Variants in ACTN1 observed in about 807,000 individuals in gnomAD.
ACTN1 encodes the protein actinin alpha 1.
In ACTN1, 30 loss-of-function variants were observed where a neutral mutation model predicts 119.6. The observed-to-expected ratio is 0.25, with a 90% CI of 0.19 to 0.34. The LOEUF is 0.34. ACTN1 is among the 10% of genes least tolerant of loss of function. ACTN1 has a pLI of 1.00. For synonymous variants in ACTN1, 429 were observed against 472.6 expected (o/e 0.91, Z 1.20); for missense variants, 764 against 1,223.4 (o/e 0.62, Z 5.60).
In ACTN1 at chr14:68,925,821, G is replaced by A. The variant is rs192515678; in HGVS notation, c.106-149C>T. 4.8e-5 allele frequency: 28 copies of A among 587,894 alleles called. No homozygotes were observed. Among genetic ancestry groups the A allele is most frequent in the Non-Finnish European group, 7.2e-5 (24 of 335,268 alleles). The allele number at this position is 587,894 out of a possible 1,614,324, so 36.4% of individuals were successfully genotyped here. The stretch of plus-strand genomic sequence containing the variant: ...TTGCCCCACCATGGTCTCATTCACT[G>A]CATCAACCAAGCACTGAGCTACCCA... On this transcript the variant is annotated intron_variant, in intron 1 of 21. Coordinates refer to ENST00000394419, the MANE Select transcript of ACTN1 (RefSeq NM_001130004.2). This position sits in a 1 kb window ranked among gnomAD's most constrained non-coding sequence, Gnocchi z 4.3.
chr14:68,884,950 T>C, intron 12 of ACTN1, 67 bp from the exon 13 acceptor site: 2 of 1,359,322 alleles, frequency 1.5e-6, no homozygotes, highest in Non-Finnish European at 1.1e-6. Context: ...TCCCTCTCTC[T>C]GAGGCTGTCA....
chr14:68,906,275 A>C (rs1261050867), intron 6 of ACTN1, among the ~76,000 whole-genome samples: 1 of 152,234 alleles, frequency 6.6e-6, no homozygotes, highest in Non-Finnish European at 1.5e-5. Context: ...ATAAGTTTTT[A>C]ATGCAGAGGA....
Position 68,874,392 on chromosome 14 carries a change from T to G in ACTN1, c.*467A>C, listed in dbSNP as rs2030596718. 6.5e-6 allele frequency: 1 copy of G among 153,304 alleles called. No individual in the cohort carries two copies. Among genetic ancestry groups the G allele is most frequent in the African/African-American group, 2.4e-5 (1 of 41,470 alleles). 9.5% of individuals were successfully genotyped at this position (153,304 alleles called of 1,614,324 possible). ...GAGCTAGCAAACACACATGCACCAATGTGCCTTTTGACAAGAGTACCCCCT... is the reference window on the plus strand; with the variant it reads ...GAGCTAGCAAACACACATGCACCAAGGTGCCTTTTGACAAGAGTACCCCCT... On this transcript the variant is annotated 3_prime_UTR_variant, in exon 22 of 22. Transcript: ENST00000394419.
chr14:68,979,143 G>A lies in ACTN1; in HGVS notation c.-87C>T, dbSNP rs2037178020. 5.4e-6 allele frequency: 4 copies of A among 742,014 alleles called. No homozygotes were observed. The South Asian group carries it at 6.1e-5, about 11-fold the overall frequency. The allele number at this position is 742,014 out of a possible 1,614,324, so 46.0% of individuals were successfully genotyped here. On this transcript the variant is annotated 5_prime_UTR_variant, in exon 1 of 22. Coordinates refer to ENST00000394419, the MANE Select transcript of ACTN1 (RefSeq NM_001130004.2). ...CTGCCCTGGCGTGGGGAGGGAGTAGGGCTGGGCTGGGCTGGGCTGGCGGGG... is the reference window on the plus strand; with the variant it reads ...CTGCCCTGGCGTGGGGAGGGAGTAGAGCTGGGCTGGGCTGGGCTGGCGGGG...
rs748517119 is a variant in ACTN1, at chr14:68,878,906, C to G, written c.2361+83G>C. On this transcript the variant is annotated intron_variant, in intron 19 of 21. Coordinates refer to ENST00000394419, the MANE Select transcript of ACTN1 (RefSeq NM_001130004.2). This position sits in a 1 kb window ranked among gnomAD's most constrained non-coding sequence, Gnocchi z 4.4. Reference sequence around the variant, plus strand: ...ACAGGAGGGGGACAGGAGATCCAGACAGAGAGAAGAGAAAAAGGAAAAACG... The same window carrying G: ...ACAGGAGGGGGACAGGAGATCCAGAGAGAGAGAAGAGAAAAAGGAAAAACG... 7 of 1,604,776 alleles carry G rather than the reference C, an allele frequency of 4.4e-6. No homozygotes were observed. Among genetic ancestry groups the G allele is most frequent in the Non-Finnish European group, 5.9e-6 (7 of 1,178,878 alleles).
At chr14:68,942,398 G>T (rs2140495497) in intron 1 of ACTN1, among the ~76,000 whole-genome samples, 1 of 152,010 alleles carries the variant, frequency 6.6e-6, no homozygotes, top group African/African-American at 2.4e-5. Flanking sequence ...AGAACTTCCT[G>T]CAGGGACTGA....
intron 1 of ACTN1, among the ~76,000 whole-genome samples, chr14:68,944,767 C>T (rs2035880723): frequency 6.6e-6 from 1 of 152,096 alleles, no homozygotes; most frequent in South Asian, 2.1e-4. Context: ...AGGGGGCCCA[C>T]ATAACCTGTC....
At chr14:68,954,354 T>C (rs1162708893) in intron 1 of ACTN1, among the ~76,000 whole-genome samples, 1 of 152,016 alleles carries the variant, frequency 6.6e-6, no homozygotes, top group East Asian at 1.9e-4. Context: ...TGAAATGGAG[T>C]TTCACTCTTT....
At position 68,877,001 on chromosome 14, in the gene ACTN1, T is replaced by C. The variant is rs1031556481; in HGVS notation, c.2586+81A>G. ...GAAGAAGGGGCGGTTGAGGAGTTCATGTTCCAGCTCTCACCCCTTTAGATC... is the reference window on the plus strand; with the variant it reads ...GAAGAAGGGGCGGTTGAGGAGTTCACGTTCCAGCTCTCACCCCTTTAGATC... On this transcript the variant is annotated intron_variant, in intron 21 of 21. Transcript: ENST00000394419. The C allele has an allele frequency of 5.2e-6, 8 of 1,529,438 alleles. No individual in the cohort carries two copies. The Admixed American group carries it at 9.5e-5, about 18-fold the overall frequency. The allele number at this position is 1,529,438 out of a possible 1,614,324, so 94.7% of individuals were successfully genotyped here.
chr14:68,882,407 T>G lies in ACTN1; in HGVS notation c.1953+51A>C, dbSNP rs2140089150. On this transcript the variant is annotated intron_variant, in intron 16 of 21. Coordinates refer to ENST00000394419, the MANE Select transcript of ACTN1 (RefSeq NM_001130004.2). The surrounding 1 kb of genome is among the most constrained non-coding windows in gnomAD (Gnocchi z 4.5). Reference sequence around the variant, plus strand: ...GGCAGCCTGGCTGGCTAGGATAGTGTCGGGGGGGAGGGGTGGGAGCCCCAG... The same window carrying G: ...GGCAGCCTGGCTGGCTAGGATAGTGGCGGGGGGGAGGGGTGGGAGCCCCAG... The G allele has an allele frequency of 7.9e-7, 1 of 1,268,974 alleles. No individual in the cohort carries two copies. Among genetic ancestry groups the G allele is most frequent in the Non-Finnish European group, 1.1e-6 (1 of 913,504 alleles). The allele number at this position is 1,268,974 out of a possible 1,614,324, so 78.6% of individuals were successfully genotyped here. A position where few individuals can be genotyped will look rare whatever the true frequency, so the allele number is the denominator to read the frequency against.
Position 68,874,846 on chromosome 14 carries a change from CG to C in ACTN1, c.*12del. The C allele has an allele frequency of 6.4e-7, 1 of 1,556,526 alleles. No individual in the cohort carries two copies. Among genetic ancestry groups the C allele is most frequent in the South Asian group, 1.2e-5 (1 of 83,820 alleles). On this transcript the variant is annotated 3_prime_UTR_variant, in exon 22 of 22. Coordinates refer to ENST00000394419, the MANE Select transcript of ACTN1 (RefSeq NM_001130004.2). Reference sequence around the variant, plus strand: ...GCACGGCGCACAAGACGAGGGCGGCCGGGCGGGGTGGATTAGAGGTCACTCT... The same window carrying C: ...GCACGGCGCACAAGACGAGGGCGGCCGGCGGGGTGGATTAGAGGTCACTCT...
In ACTN1 at chr14:68,882,545, A is replaced by G. The variant is rs144962043; in HGVS notation, c.1866T>C (p.His622=). 1.1e-5 allele frequency: 17 copies of G among 1,614,136 alleles called. No homozygotes were observed. The highest frequency in any genetic ancestry group is 3.3e-5 in the Admixed American group (2 of 60,022). The change falls in exon 16 of 22, where the codon CAT becomes CAC. Residue 622 remains histidine (H), a synonymous_variant. Transcript: ENST00000394419. The surrounding 1 kb of genome is among the most constrained non-coding windows in gnomAD (Gnocchi z 4.5). Reference sequence around the variant, plus strand: ...GCCTCTCATTGTGCTGCTGTCGGGCATGCTCCTCCGTCAGAGCTTGGTCCC... The same window carrying G: ...GCCTCTCATTGTGCTGCTGTCGGGCGTGCTCCTCCGTCAGAGCTTGGTCCC... ...PRRDQALTEE[H]ARQQHNERLR...
At chr14:68,883,113 G>A in intron 14 of ACTN1, 58 bp from the exon 15 acceptor site, 5 of 1,565,040 alleles carry the variant, frequency 3.2e-6, no homozygotes, top group Non-Finnish European at 4.4e-6. Flanking sequence ...AGAAGTGAGT[G>A]GAAGGGCCAT....
intron 1 of ACTN1, among the ~76,000 whole-genome samples, chr14:68,939,400 T>C (rs1594848992): frequency 6.6e-6 from 1 of 152,114 alleles, no homozygotes; most frequent in African/African-American, 2.4e-5. Flanking sequence ...GGTTCTCACA[T>C]CAGTAAAGAC....
intron 13 of ACTN1, among the ~76,000 whole-genome samples, chr14:68,884,569 C>T (rs116765990): frequency 0.026 from 4,019 of 152,336 alleles, 51 homozygotes; most frequent in Non-Finnish European, 0.034. Context: ...GAGGATGAGA[C>T]ATGTGAGGGC....
rs2034870604 is a variant in ACTN1 at position 68,925,365 on chromosome 14, A to G, written c.220+193T>C. ...TTAAAACAAACAAGGATGCTGAAAC[A>G]AATGTCCAAGGCACCTGGATGGCTG... On this transcript the variant is annotated intron_variant, in intron 2 of 21. Transcript: ENST00000394419. This position sits in a 1 kb window ranked among gnomAD's most constrained non-coding sequence, Gnocchi z 4.3. Among the ~76,000 whole-genome samples, 1 of 150,484 alleles carries G rather than the reference A, an allele frequency of 6.6e-6. No individual in the cohort carries two copies. The highest frequency in any genetic ancestry group is 1.5e-5 in the Non-Finnish European group (1 of 67,768).
intron 8 of ACTN1, among the ~76,000 whole-genome samples, chr14:68,902,109 G>A (rs866235868): frequency 8.5e-5 from 13 of 152,190 alleles, no homozygotes; most frequent in Middle Eastern, 3.2e-3. Context: ...CTGCTCTATC[G>A]AGCCAGTGGC....
chr14:68,929,409 G>A (rs903280618), intron 1 of ACTN1, among the ~76,000 whole-genome samples: 8 of 151,840 alleles, frequency 5.3e-5, no homozygotes, highest in South Asian at 4.2e-4. Context: ...GTGCTACCCC[G>A]GCAGGTTTGT....
intron 8 of ACTN1, among the ~76,000 whole-genome samples, chr14:68,897,917 G>T (rs1387781069): frequency 6.6e-6 from 1 of 152,242 alleles, no homozygotes; most frequent in African/African-American, 2.4e-5. Flanking sequence ...TGCATACCCC[G>T]AAGCTTCTTG....
Sources: gnomAD v4.1 joint callset for allele counts (sites outside exome capture counted in the v4.1 genomes callset) on GRCh38, gnomAD v4.1.1 for gene constraint, Gnocchi (gnomAD v3.1) non-coding constraint, MANE v1.5 for transcripts, NCBI Gene and HGNC (gene_info 2026-07-23, HGNC 2026-07-21) for gene names.